NTN3: variants seen among roughly 807,000 people sequenced by gnomAD.
NTN3 encodes netrin 3.
NTN3 carries 44 observed loss-of-function variants against 37.2 expected under a neutral mutation model. That is an observed-to-expected ratio of 1.18 (90% CI 0.93 to 1.52). The LOEUF (loss-of-function observed/expected upper bound fraction) is 1.52. Among genes scored for constraint, NTN3 ranks in the 40% most tolerant of loss-of-function variants. NTN3 has a pLI of 0.00. For synonymous variants in NTN3, 385 were observed against 376.0 expected (o/e 1.02, Z -0.28); for missense variants, 882 against 857.3 (o/e 1.03, Z -0.36).
chr16:2,471,933 C>G lies in NTN3; in HGVS notation c.232C>G (p.Pro78Ala). Reference protein sequence around the residue: ...DASDPRRAHSPALLTSPGGTA... With the variant: ...DASDPRRAHSAALLTSPGGTA... Reference sequence around the variant, plus strand: ...CTCCGACCCGCGACGGGCACACTCCCCCGCCCTCCTTACTTCCCCAGGGGG... The same window carrying G: ...CTCCGACCCGCGACGGGCACACTCCGCCGCCCTCCTTACTTCCCCAGGGGG... The change falls in exon 1 of 6, where the codon CCC becomes GCC. Residue 78 changes from proline (P) to alanine (A), a missense_variant. Pro to Ala is a conservative substitution (Grantham distance 27, BLOSUM62 -1). Transcript: ENST00000293973. 2 of 1,551,466 alleles carry G rather than the reference C, an allele frequency of 1.3e-6. No homozygotes were observed. The highest frequency in any genetic ancestry group is 8.7e-7 in the Non-Finnish European group (1 of 1,155,698).
chr16:2,473,394 A>C (rs1314210934), intron 4 of NTN3, 35 bp from the exon 5 acceptor site: 1 of 1,612,260 alleles, frequency 6.2e-7, no homozygotes, highest in Admixed American at 1.7e-5. Context: ...GGGTGGGGAA[A>C]GGGAGTCTGT....
chr16:2,473,240 G>A (rs765535839), intron 3 of NTN3, 28 bp from the exon 4 acceptor site: 21 of 1,610,568 alleles, frequency 1.3e-5, no homozygotes, highest in African/African-American at 4.0e-5. Flanking sequence ...CCCCTCCATC[G>A]CAGGCCATTC....
rs754255283 is a variant in NTN3, at chr16:2,473,134, A to G, written c.1267A>G (p.Lys423Glu). 1 of 1,595,024 alleles carries G rather than the reference A, an allele frequency of 6.3e-7. No individual in the cohort carries two copies. Among genetic ancestry groups the G allele is most frequent in the East Asian group, 2.2e-5 (1 of 44,710 alleles). ...QSRSPVAPCV[K>E]TPIPGPTEDS... is the part of the protein sequence containing the mutation. ...CCGCTCCCCAGTGGCGCCCTGTGTT[A>G]GTGAGTGACCCTGCCCCGCCTCAGC... The change falls in exon 3 of 6, where the codon AAG becomes GAG. Residue 423 changes from lysine (K) to glutamate (E), a missense_variant and splice_region_variant. Lys to Glu is a moderately conservative substitution (Grantham distance 56). Transcript: ENST00000293973.
chr16:2,473,213 C>T, intron 3 of NTN3, 55 bp from the exon 4 acceptor site: 1 of 1,603,902 alleles, frequency 6.2e-7, no homozygotes, highest in Non-Finnish European at 8.5e-7. Flanking sequence ...ATTCCCCGAG[C>T]CCTGCAGATC....
At chr16:2,473,573 C>A in intron 5 of NTN3, 70 bp downstream of exon 5, 2 of 1,497,764 alleles carry the variant, frequency 1.3e-6, no homozygotes, top group Non-Finnish European at 1.8e-6. Flanking sequence ...CCTCCGCCAG[C>A]TTCCCCTTGG....
In NTN3 at chr16:2,471,506, C is replaced by T. The variant is rs1360637816; in HGVS notation, c.-196C>T. 1 of 395,938 alleles carries T rather than the reference C, an allele frequency of 2.5e-6. No individual in the cohort carries two copies. The highest frequency in any genetic ancestry group is 4.4e-6 in the Non-Finnish European group (1 of 226,286). 24.5% of individuals were successfully genotyped at this position (395,938 alleles called of 1,614,324 possible). ...TCGCTCTAGGCCCAGCGGGAGGACGCGCCAACATCCCCGCTGCTGTGCTGG... is the reference window on the plus strand; with the variant it reads ...TCGCTCTAGGCCCAGCGGGAGGACGTGCCAACATCCCCGCTGCTGTGCTGG... On this transcript the variant is annotated 5_prime_UTR_variant, in exon 1 of 6. Coordinates refer to ENST00000293973, the MANE Select transcript of NTN3 (RefSeq NM_006181.3).
At chr16:2,473,608 C>T in intron 5 of NTN3, 105 bp downstream of exon 5, 2 of 1,328,178 alleles carry the variant, frequency 1.5e-6, no homozygotes, top group East Asian at 2.3e-5. Flanking sequence ...TGCTGGGCCC[C>T]AAGGCCCATC....
chr16:2,473,645 G>A (rs1032700262), intron 5 of NTN3, 111 bp from the exon 6 acceptor site: 13 of 1,260,974 alleles, frequency 1.0e-5, no homozygotes, highest in Non-Finnish European at 1.3e-5. Context: ...TCCACGGGCA[G>A]CGACCCCGCC....
At position 2,473,410 on chromosome 16, in the gene NTN3, C is replaced by G. The variant is rs1159751263; in HGVS notation, c.1319-19C>G. Reference sequence around the variant, plus strand: ...GGTGGGGAAAGGGAGTCTGTGCCAGCCTCCCACCTTCTACCCAGACTGTGA... The same window carrying G: ...GGTGGGGAAAGGGAGTCTGTGCCAGGCTCCCACCTTCTACCCAGACTGTGA... On this transcript the variant is annotated intron_variant, in intron 4 of 5. Transcript: ENST00000293973. 6.2e-7 allele frequency: 1 copy of G among 1,611,230 alleles called. No individual in the cohort carries two copies.
At position 2,471,716 on chromosome 16, in the gene NTN3, C is replaced by T; in HGVS notation, c.15C>T (p.Pro5=). The part of the protein sequence containing the change: MPGW[P]WGLLLTAGTL... Reference sequence around the variant, plus strand: ...CGGCTCCGGCCATGCCTGGCTGGCCCTGGGGGCTGCTGCTGACGGCAGGCA... The same window carrying T: ...CGGCTCCGGCCATGCCTGGCTGGCCTTGGGGGCTGCTGCTGACGGCAGGCA... The change falls in exon 1 of 6, where the codon CCC becomes CCT. Residue 5 remains proline, a synonymous_variant. Coordinates refer to ENST00000293973, the MANE Select transcript of NTN3 (RefSeq NM_006181.3). The T allele has an allele frequency of 2.9e-6, 4 of 1,366,750 alleles. No homozygotes were observed. Among genetic ancestry groups the T allele is most frequent in the Non-Finnish European group, 3.7e-6 (4 of 1,067,046 alleles). The allele number at this position is 1,366,750 out of a possible 1,614,324, so 84.7% of individuals were successfully genotyped here. A position where few individuals can be genotyped will look rare whatever the true frequency, so the allele number is the denominator to read the frequency against.
In NTN3 at chr16:2,472,778, G is replaced by A; in HGVS notation, c.1006G>A (p.Gly336Ser). Residue 336 changes from glycine (G) to serine (S), a missense_variant, in exon 2 of 6, where the codon GGT becomes AGT. Physicochemically the swap from Gly to Ser is moderately conservative, Grantham distance 56 (BLOSUM62 0). Transcript: ENST00000293973. ...LYRLSGRRSG[G>S]VCLNCRHNTA... ...CCGACTGTCCGGCCGCCGCAGCGGG[G>A]GTGTCTGTCTCAACTGCCGGCACAA... 6.2e-7 allele frequency: 1 copy of A among 1,608,454 alleles called. No individual in the cohort carries two copies. The highest frequency in any genetic ancestry group is 8.5e-7 in the Non-Finnish European group (1 of 1,179,630).
Position 2,472,077 on chromosome 16 carries a change from T to C in NTN3, c.376T>C (p.Ser126Pro), listed in dbSNP as rs1351829359. The stretch of plus-strand genomic sequence containing the variant: ...GGTCTTCGTGAGCCTGCGCTTCTGC[T>C]CAGCTCCCCCAGCCTCCGTGGCCCT... ...ELVFVSLRFCSAPPASVALLK... is the reference protein window; with the variant it reads ...ELVFVSLRFCPAPPASVALLK... The change falls in exon 1 of 6, where the codon TCA becomes CCA. Residue 126 changes from serine to proline, a missense_variant. Coordinates refer to ENST00000293973, the MANE Select transcript of NTN3 (RefSeq NM_006181.3). The C allele has an allele frequency of 6.2e-7, 1 of 1,607,326 alleles. No individual in the cohort carries two copies. The highest frequency in any genetic ancestry group is 8.5e-7 in the Non-Finnish European group (1 of 1,177,750).
In NTN3 at chr16:2,472,053, G is replaced by T. The variant is rs770842632; in HGVS notation, c.352G>T (p.Val118Phe). 6.2e-7 allele frequency: 1 copy of T among 1,608,952 alleles called. No homozygotes were observed. Among genetic ancestry groups the T allele is most frequent in the African/African-American group, 1.3e-5 (1 of 74,894 alleles). ...TVPLGKAFELVFVSLRFCSAP... is the reference protein window; with the variant it reads ...TVPLGKAFELFFVSLRFCSAP... Reference sequence around the variant, plus strand: ...GCCCCTGGGCAAGGCTTTTGAGCTGGTCTTCGTGAGCCTGCGCTTCTGCTC... The same window carrying T: ...GCCCCTGGGCAAGGCTTTTGAGCTGTTCTTCGTGAGCCTGCGCTTCTGCTC... Residue 118 changes from valine (V) to phenylalanine (F), a missense_variant, in exon 1 of 6, where the codon GTC becomes TTC. Val to Phe is a conservative substitution (Grantham distance 50, BLOSUM62 -1). Coordinates refer to ENST00000293973, the MANE Select transcript of NTN3 (RefSeq NM_006181.3).
At position 2,472,254 on chromosome 16, in the gene NTN3, C is replaced by G. The variant is rs781595686; in HGVS notation, c.553C>G (p.Pro185Ala). 1 of 1,609,606 alleles carries G rather than the reference C, an allele frequency of 6.2e-7. No individual in the cohort carries two copies. The highest frequency in any genetic ancestry group is 1.1e-5 in the South Asian group (1 of 90,872). The change falls in exon 1 of 6, where the codon CCT (proline) becomes GCT (alanine). Residue 185 changes from proline to alanine, a missense_variant. By Grantham distance (27) the Pro-to-Ala change is conservative (BLOSUM62 -1). Transcript: ENST00000293973. ...GTGCTTCCCCGCACCCCTGGCCCAGCCTGATGGCAGCGGCCTTCTGGCCTT... is the reference window on the plus strand; with the variant it reads ...GTGCTTCCCCGCACCCCTGGCCCAGGCTGATGGCAGCGGCCTTCTGGCCTT... Reference protein sequence around the residue: ...ALCFPAPLAQPDGSGLLAFSM... With the variant: ...ALCFPAPLAQADGSGLLAFSM...
chr16:2,472,400 C>G lies in NTN3; in HGVS notation c.699C>G (p.Pro233=), dbSNP rs756235115. 1.2e-6 allele frequency: 2 copies of G among 1,612,774 alleles called. No homozygotes were observed. The highest frequency in any genetic ancestry group is 1.7e-6 in the Non-Finnish European group (2 of 1,179,872). The change falls in exon 1 of 6, where the codon CCC becomes CCG. Residue 233 remains proline, a synonymous_variant. Coordinates refer to ENST00000293973, the MANE Select transcript of NTN3 (RefSeq NM_006181.3). The part of the protein sequence containing the change: ...VLTRPSTAGD[P]RDMEAVVPYS... Reference sequence around the variant, plus strand: ...CAAGGCCTAGCACGGCAGGTGACCCCAGGGACATGGAGGCCGTCGTCCCTT... The same window carrying G: ...CAAGGCCTAGCACGGCAGGTGACCCGAGGGACATGGAGGCCGTCGTCCCTT...
chr16:2,474,055 C>T lies in NTN3; in HGVS notation c.1693C>T (p.Leu565=), dbSNP rs1042933568. Residue 565 remains leucine (L), a synonymous_variant, in exon 6 of 6, where the codon CTG becomes TTG. Transcript: ENST00000293973. ...LPWRDAWTRR[L]RRLQRRERRG... ...CTGGAGGGACGCGTGGACGCGGCGC[C>T]TGCGGAGGCTGCAGCGACGCGAACG... is the stretch of plus-strand genomic sequence containing the variant. The T allele has an allele frequency of 3.3e-6, 4 of 1,207,894 alleles. No individual in the cohort carries two copies. The highest frequency in any genetic ancestry group is 4.1e-6 in the Non-Finnish European group (4 of 972,526). The allele number at this position is 1,207,894 out of a possible 1,614,324, so 74.8% of individuals were successfully genotyped here. A position where few individuals can be genotyped will look rare whatever the true frequency, so the allele number is the denominator to read the frequency against.
At position 2,472,471 on chromosome 16, in the gene NTN3, G is replaced by T; in HGVS notation, c.770G>T (p.Cys257Phe). The T allele has an allele frequency of 6.2e-7, 1 of 1,611,924 alleles. No homozygotes were observed. The highest frequency in any genetic ancestry group is 8.5e-7 in the Non-Finnish European group (1 of 1,179,650). The change falls in exon 1 of 6, where the codon TGC becomes TTC. Residue 257 changes from cysteine to phenylalanine, a missense_variant. Physicochemically the swap from Cys to Phe is radical, Grantham distance 205. Coordinates refer to ENST00000293973, the MANE Select transcript of NTN3 (RefSeq NM_006181.3). The part of the protein sequence containing the change: ...TDLQVGGRCK[C>F]NGHASRCLLD... ...CTCCAGGTGGGCGGGCGCTGCAAGT[G>T]CAATGGACATGCCTCACGGTGCCTG...
chr16:2,471,999 CGGGCG>C lies in NTN3; in HGVS notation c.299_303del (p.Arg100ProfsTer15), dbSNP rs1567399649. On this transcript the variant is annotated frameshift_variant, in exon 1 of 6. Coordinates refer to ENST00000293973, the MANE Select transcript of NTN3 (RefSeq NM_006181.3). LOFTEE classifies it high-confidence loss of function. ...GTGCTGGCGCTCGGAGTCCCTGCCTCGGGCGCCCCTCAACGTGACTCTCACGGTGC... is the reference window on the plus strand; with the variant it reads ...GTGCTGGCGCTCGGAGTCCCTGCCTCCCCCTCAACGTGACTCTCACGGTGC... 1.2e-6 allele frequency: 2 copies of C among 1,603,130 alleles called. No individual in the cohort carries two copies. The highest frequency in any genetic ancestry group is 1.7e-6 in the Non-Finnish European group (2 of 1,178,976).
rs1382714148 is a variant in NTN3, at chr16:2,474,118, G to C, written c.*13G>C. On this transcript the variant is annotated 3_prime_UTR_variant, in exon 6 of 6. Transcript: ENST00000293973. ...CAGCGCCGCCTGAGCCCGCCGGCTG[G>C]GCAGGGCGGCCGCTGCTCCCACATC... is the stretch of plus-strand genomic sequence containing the variant. The C allele has an allele frequency of 1.7e-6, 2 of 1,205,378 alleles. No individual in the cohort carries two copies. Among genetic ancestry groups the C allele is most frequent in the African/African-American group, 3.2e-5 (2 of 63,336 alleles). 74.7% of individuals were successfully genotyped at this position (1,205,378 alleles called of 1,614,324 possible).
Sources: gnomAD v4.1 joint callset for allele counts on GRCh38, gnomAD v4.1.1 for gene constraint, MANE v1.5 for transcripts, NCBI Gene and HGNC (gene_info 2026-07-23, HGNC 2026-07-21) for gene names.